The following RASGRF1 variants were observed in gnomAD, a reference collection of about 807,000 sequenced individuals.
RASGRF1 encodes ras-specific guanine nucleotide-releasing factor 1.
Under a neutral mutation model 138.7 loss-of-function variants are expected in RASGRF1, and 40 were observed. That is an observed-to-expected ratio of 0.29 (90% CI 0.22 to 0.38). The LOEUF (loss-of-function observed/expected upper bound fraction) is 0.38. RASGRF1 is among the 10% of genes least tolerant of loss of function. RASGRF1 has a pLI of 1.00. For missense variants in RASGRF1, 1,108 were observed against 1,650.4 expected (o/e 0.67, Z 5.69); for synonymous variants, 614 against 663.2 (o/e 0.93, Z 1.14).
rs372949778 is a variant in RASGRF1, at chr15:79,064,516, G to A, written c.287C>T (p.Thr96Met). 20 of 1,613,650 alleles carry A rather than the reference G, an allele frequency of 1.2e-5. No individual in the cohort carries two copies. Among genetic ancestry groups the A allele is most frequent in the East Asian group, 6.7e-5 (3 of 44,880 alleles). The change falls in exon 2 of 27, where the codon ACG (threonine) becomes ATG (methionine). Residue 96 changes from threonine (T) to methionine (M), a missense_variant. Thr to Met is a moderately conservative substitution (Grantham distance 81). This residue lies in a region of RASGRF1 where 253 missense variants were observed against 329.5 expected (regional missense o/e 0.77). Transcript: ENST00000558480. ...CTGGTTCTCATGGCTGAAGTTCACC[G>A]TGAAGTAATGCTGTATCAAGAAGAA... ...KEPLEKQHYF[T>M]VNFSHENQKA...
At position 78,960,690 on chromosome 15, in the gene RASGRF1, T is replaced by A. The variant is rs2055531498; in HGVS notation, c.*1454A>T. ...AGTCAACCCATAGAACTGTGAAAGG[T>A]AACAAAAATGGTTTTAAGCCATTAT... On this transcript the variant is annotated 3_prime_UTR_variant, in exon 27 of 27. Coordinates refer to ENST00000558480, the MANE Select transcript of RASGRF1 (RefSeq NM_001145648.3). 1 of 152,098 alleles carries A rather than the reference T, an allele frequency of 6.6e-6. No homozygotes were observed. Among genetic ancestry groups the A allele is most frequent in the Admixed American group, 6.6e-5 (1 of 15,258 alleles). The allele number at this position is 152,098 out of a possible 1,614,324, so 9.4% of individuals were successfully genotyped here. A position where few individuals can be genotyped will look rare whatever the true frequency, so the allele number is the denominator to read the frequency against.
At chr15:79,076,115 A>G (rs1325959040) in intron 1 of RASGRF1, among the ~76,000 whole-genome samples, 1 of 152,208 alleles carries the variant, frequency 6.6e-6, no homozygotes, top group Non-Finnish European at 1.5e-5. Context: ...GCTCCCAGAT[A>G]GCGCCCCATC....
intron 16 of RASGRF1, among the ~76,000 whole-genome samples, chr15:79,000,391 T>G (rs1208443830): frequency 6.6e-6 from 1 of 152,212 alleles, no homozygotes; most frequent in Non-Finnish European, 1.5e-5. Flanking sequence ...TCCAGCCACC[T>G]GAGTTGAAAT....
chr15:78,988,845 T>TA (rs2056214860), intron 22 of RASGRF1, among the ~76,000 whole-genome samples: 1 of 148,930 alleles, frequency 6.7e-6, no homozygotes, highest in South Asian at 2.2e-4. Flanking sequence ...GGGAGTTTTT[T>TA]TTTTTTTTTT....
chr15:79,066,540 G>T (rs994217835), intron 1 of RASGRF1, among the ~76,000 whole-genome samples: 3 of 152,224 alleles, frequency 2.0e-5, no homozygotes, highest in African/African-American at 7.2e-5. Flanking sequence ...GCCCATTGCT[G>T]GGACCACAGC....
intron 1 of RASGRF1, chr15:79,064,795 A>T: frequency 2.2e-6 from 1 of 448,052 alleles, no homozygotes; most frequent in Non-Finnish European, 4.0e-6. Context: ...AAATTGCAAA[A>T]AAGCCAGTTT....
At chr15:79,067,545 G>C (rs1220949414) in intron 1 of RASGRF1, among the ~76,000 whole-genome samples, 1 of 152,210 alleles carries the variant, frequency 6.6e-6, no homozygotes, top group Non-Finnish European at 1.5e-5. Flanking sequence ...GCCTGAGCTG[G>C]AATATAAGTG....
At chr15:78,963,852 T>A (rs2055593080) in intron 26 of RASGRF1, among the ~76,000 whole-genome samples, 1 of 152,218 alleles carries the variant, frequency 6.6e-6, no homozygotes, top group African/African-American at 2.4e-5. Context: ...ACATGGCGAT[T>A]TTATGACCAT....
chr15:78,979,233 G>T, intron 24 of RASGRF1: 1 of 1,219,032 alleles, frequency 8.2e-7, no homozygotes, highest in Non-Finnish European at 1.1e-6. Flanking sequence ...AGTGGAGATG[G>T]TCAAGGCGAT....
chr15:79,030,614 C>G (rs1462860858), intron 8 of RASGRF1, among the ~76,000 whole-genome samples: 1 of 152,238 alleles, frequency 6.6e-6, no homozygotes, highest in East Asian at 1.9e-4. Flanking sequence ...CCCTCCAGAC[C>G]TGTCCCTCCT....
chr15:78,990,037 C>G (rs2056236346), intron 22 of RASGRF1, 152 bp downstream of exon 22: 1 of 684,596 alleles, frequency 1.5e-6, no homozygotes, highest in Non-Finnish European at 2.6e-6. Flanking sequence ...GGTGAGGCAA[C>G]CAGCCCGAGG....
intron 12 of RASGRF1, among the ~76,000 whole-genome samples, chr15:79,015,731 A>AC (rs1418118286): frequency 2.6e-5 from 4 of 152,260 alleles, no homozygotes; most frequent in Admixed American, 2.6e-4. Flanking sequence ...TGCATCTGAC[A>AC]CTGACCATTC....
intron 6 of RASGRF1, among the ~76,000 whole-genome samples, chr15:79,033,581 CTTTTTTTTTT>C (rs71148586): frequency 2.1e-5 from 2 of 93,978 alleles, no homozygotes; most frequent in Non-Finnish European, 3.8e-5. Flanking sequence ...TTTTTCTTTT[CTTTTTTTTTT>C]TTTTTTTTTT....
chr15:78,991,689 A>T lies in RASGRF1; in HGVS notation c.3131+2T>A. The T allele has an allele frequency of 1.9e-6, 3 of 1,611,894 alleles. No homozygotes were observed. The highest frequency in any genetic ancestry group is 1.7e-6 in the Non-Finnish European group (2 of 1,178,018). On this transcript the variant is annotated splice_donor_variant, in intron 21 of 26. Transcript: ENST00000558480. LOFTEE classifies it high-confidence loss of function. ...GAGGCGGGTGGTGCCTGCAACACTT[A>T]CTCATAAGGAATCTTCTTGAAGACG...
Position 79,006,125 on chromosome 15 carries a change from C to T in RASGRF1, c.2075+61G>A. The T allele has an allele frequency of 6.2e-7, 1 of 1,605,994 alleles. No individual in the cohort carries two copies. Among genetic ancestry groups the T allele is most frequent in the Non-Finnish European group, 8.5e-7 (1 of 1,174,612 alleles). On this transcript the variant is annotated intron_variant, in intron 14 of 26. Coordinates refer to ENST00000558480, the MANE Select transcript of RASGRF1 (RefSeq NM_001145648.3). This position sits in a 1 kb window ranked among gnomAD's most constrained non-coding sequence, Gnocchi z 4.0. ...GTCACCCCCCGGCCCCGTGCAAGCT[C>T]AGTTTTCCTCCAAGGCTTGGAAGCT...
At chr15:79,053,424 C>G (rs1457098137) in intron 3 of RASGRF1, among the ~76,000 whole-genome samples, 3 of 152,190 alleles carry the variant, frequency 2.0e-5, no homozygotes, top group Non-Finnish European at 4.4e-5. Flanking sequence ...CCCTTTAGGG[C>G]CTGTCTTAGC....
chr15:78,968,513 G>A (rs1204989969), intron 26 of RASGRF1, among the ~76,000 whole-genome samples: 3 of 151,890 alleles, frequency 2.0e-5, no homozygotes, highest in Non-Finnish European at 4.4e-5. Flanking sequence ...AAACTCCTAG[G>A]CTCAAGTGAT....
intron 5 of RASGRF1, among the ~76,000 whole-genome samples, chr15:79,035,947 C>T (rs551606946): frequency 1.3e-5 from 2 of 152,350 alleles, no homozygotes; most frequent in East Asian, 1.9e-4. Flanking sequence ...TTTGTCGCCA[C>T]GTAACGTGCT....
At chr15:79,047,724 G>A (rs940147769) in intron 4 of RASGRF1, among the ~76,000 whole-genome samples, 15 of 152,126 alleles carry the variant, frequency 9.9e-5, no homozygotes, top group Non-Finnish European at 2.1e-4. Flanking sequence ...TTGGGAAAGG[G>A]CCTTGATTGA....
Sources: allele counts gnomAD v4.1 joint callset (sites outside exome capture counted in the v4.1 genomes callset), GRCh38; gene constraint gnomAD v4.1.1; regional missense constraint gnomAD v4.1.1; non-coding constraint Gnocchi (gnomAD v3.1); transcripts MANE v1.5; gene names NCBI Gene and HGNC (gene_info 2026-07-23, HGNC 2026-07-21).